Variants in PTCHD4 observed in about 807,000 individuals in gnomAD.
PTCHD4 encodes the protein patched domain-containing protein 4.
Under a neutral mutation model 58.1 loss-of-function variants are expected in PTCHD4, and 33 were observed. The observed-to-expected ratio is 0.57, with a 90% CI of 0.43 to 0.76. The LOEUF is 0.76. Among genes scored for constraint, PTCHD4 ranks in the 30% least tolerant of loss-of-function variants. The pLI is 0.00. For missense variants in PTCHD4, 1,058 were observed against 1,027.1 expected, an observed-to-expected ratio of 1.03 and a Z score of -0.41; for synonymous variants, 478 against 409.6, an observed-to-expected ratio of 1.17 and a Z score of -2.02.
At chr6:47,997,252 C>A (rs549715739) in intron 4 of PTCHD4, among the ~76,000 whole-genome samples, 2 of 150,612 alleles carry the variant, frequency 1.3e-5, no homozygotes, top group African/African-American at 2.4e-5. Flanking sequence ...TCTCTTTTTT[C>A]TTTTTTTTTG....
At chr6:47,917,040 T>C (rs1278909473) in intron 4 of PTCHD4, among the ~76,000 whole-genome samples, 1 of 152,110 alleles carries the variant, frequency 6.6e-6, no homozygotes, top group African/African-American at 2.4e-5. Flanking sequence ...AAGTAACATA[T>C]AGTGGACAAC....
At chr6:47,937,002 G>A (rs575911622) in intron 4 of PTCHD4, among the ~76,000 whole-genome samples, 1 of 152,286 alleles carries the variant, frequency 6.6e-6, no homozygotes, top group African/African-American at 2.4e-5. Context: ...AGTCTGCTGT[G>A]TTCCAAAAAT....
At chr6:47,965,760 C>G (rs1767264193) in intron 4 of PTCHD4, among the ~76,000 whole-genome samples, 1 of 152,040 alleles carries the variant, frequency 6.6e-6, no homozygotes, top group Admixed American at 6.6e-5. Flanking sequence ...AACCCCGTCT[C>G]TACTAAAACT....
At position 47,861,049 on chromosome 6, in the gene PTCHD4, C is replaced by T. The variant is rs1415490552; in HGVS notation, c.*17254G>A. Reference sequence around the variant, plus strand: ...CATTATTTTAGTGGAACATTTCAATCGCAGTCTAATTATTGAGCTCTCCCA... The same window carrying T: ...CATTATTTTAGTGGAACATTTCAATTGCAGTCTAATTATTGAGCTCTCCCA... On this transcript the variant is annotated 3_prime_UTR_variant, in exon 5 of 5. Coordinates refer to ENST00000339488, the MANE Select transcript of PTCHD4 (RefSeq NM_001384253.1). Among the ~76,000 whole-genome samples, 1 of 151,898 alleles carries T rather than the reference C, an allele frequency of 6.6e-6. No individual in the cohort carries two copies. Among genetic ancestry groups the T allele is most frequent in the African/African-American group, 2.4e-5 (1 of 41,402 alleles).
intron 4 of PTCHD4, among the ~76,000 whole-genome samples, chr6:47,895,515 G>C (rs574622178): frequency 6.6e-6 from 1 of 152,266 alleles, no homozygotes; most frequent in South Asian, 2.1e-4. Context: ...ATTGACATGG[G>C]AATCTTCAAT....
intron 4 of PTCHD4, chr6:47,901,424 C>G: frequency 1.0e-6 from 1 of 977,502 alleles, no homozygotes; most frequent in South Asian, 4.7e-5. Flanking sequence ...AATTGTTCCT[C>G]CCTCTCACAT....
chr6:48,066,120 C>T (rs958787161), intron 3 of PTCHD4, among the ~76,000 whole-genome samples: 3 of 148,334 alleles, frequency 2.0e-5, no homozygotes, highest in Admixed American at 6.7e-5. Flanking sequence ...TTTTTTGAGA[C>T]GGGATCCCTC....
chr6:47,895,449 G>A (rs1389950452), intron 4 of PTCHD4, among the ~76,000 whole-genome samples: 1 of 152,174 alleles, frequency 6.6e-6, no homozygotes, highest in Non-Finnish European at 1.5e-5. Flanking sequence ...TTAGCAGCTT[G>A]TAAAATTTAT....
chr6:47,998,611 A>G (rs1768594237), intron 4 of PTCHD4, among the ~76,000 whole-genome samples: 1 of 152,216 alleles, frequency 6.6e-6, no homozygotes, highest in Admixed American at 6.5e-5. Flanking sequence ...GTAGAACCTT[A>G]AGGAGTCAGG....
chr6:47,937,526 C>T (rs890771541), intron 4 of PTCHD4, among the ~76,000 whole-genome samples: 2 of 152,240 alleles, frequency 1.3e-5, no homozygotes, highest in South Asian at 2.1e-4. Context: ...GGAAGGTTTA[C>T]GAGTTTTGTT....
intron 4 of PTCHD4, among the ~76,000 whole-genome samples, chr6:47,944,766 A>G (rs1561970434): frequency 6.6e-6 from 1 of 152,118 alleles, no homozygotes; most frequent in African/African-American, 2.4e-5. Flanking sequence ...GCATTTATTG[A>G]AGACCTACTC....
At chr6:47,986,964 A>G (rs2114023819) in intron 4 of PTCHD4, among the ~76,000 whole-genome samples, 1 of 152,184 alleles carries the variant, frequency 6.6e-6, no homozygotes, top group African/African-American at 2.4e-5. Context: ...TGCATCTTGT[A>G]TTTTGAAACT....
chr6:47,979,268 T>A (rs1767797454), intron 4 of PTCHD4, among the ~76,000 whole-genome samples: 1 of 151,824 alleles, frequency 6.6e-6, no homozygotes, highest in African/African-American at 2.4e-5. Context: ...TACAAAGGTA[T>A]GTATTTTTAT....
chr6:48,027,753 C>A (rs1763297143), intron 3 of PTCHD4, among the ~76,000 whole-genome samples: 1 of 151,898 alleles, frequency 6.6e-6, no homozygotes, highest in Admixed American at 6.6e-5. Flanking sequence ...CTATGAGAAA[C>A]CTGCAATGTT....
chr6:47,933,586 T>C (rs552835269), intron 4 of PTCHD4, among the ~76,000 whole-genome samples: 4 of 152,338 alleles, frequency 2.6e-5, no homozygotes, highest in Middle Eastern at 3.4e-3. Context: ...TGGATTCAAA[T>C]ATACTTCTCA....
chr6:47,919,094 A>T (rs528833254), intron 4 of PTCHD4, among the ~76,000 whole-genome samples: 1 of 152,264 alleles, frequency 6.6e-6, no homozygotes, highest in East Asian at 1.9e-4. Flanking sequence ...TGGGCTTCTT[A>T]TACCCAAATT....
chr6:47,989,047 A>G (rs1014182016), intron 4 of PTCHD4, among the ~76,000 whole-genome samples: 1 of 152,232 alleles, frequency 6.6e-6, no homozygotes, highest in Non-Finnish European at 1.5e-5. Context: ...GATAAGGTTC[A>G]GTCTGAGGTG....
intron 4 of PTCHD4, among the ~76,000 whole-genome samples, chr6:47,957,141 G>T (rs577490549): frequency 6.6e-5 from 10 of 150,948 alleles, no homozygotes; most frequent in African/African-American, 2.4e-4. Context: ...TTCCAGCCTG[G>T]GTGACAGAGT....
chr6:47,933,373 A>G (rs1765888495), intron 4 of PTCHD4, among the ~76,000 whole-genome samples: 1 of 152,230 alleles, frequency 6.6e-6, no homozygotes, highest in Admixed American at 6.5e-5. Context: ...TTTTTTCAAG[A>G]AAGAGTTCTG....
Sources: gnomAD v4.1 joint callset for allele counts (sites outside exome capture counted in the v4.1 genomes callset) on GRCh38, gnomAD v4.1.1 for gene constraint, MANE v1.5 for transcripts, NCBI Gene and HGNC (gene_info 2026-07-23, HGNC 2026-07-21) for gene names.